The following PCDHGA12 variants were observed in gnomAD, a reference collection of about 807,000 sequenced individuals.
The protein encoded by PCDHGA12 is protocadherin gamma-A12.
Under a neutral mutation model 61.1 loss-of-function variants are expected in PCDHGA12, and 43 were observed. The observed-to-expected ratio is 0.70, with a 90% CI of 0.55 to 0.91. PCDHGA12 has a LOEUF of 0.91. Among genes scored for constraint, PCDHGA12 ranks in the 40% least tolerant of loss-of-function variants. The pLI is 0.00. For synonymous variants in PCDHGA12, 520 were observed against 542.9 expected, an observed-to-expected ratio of 0.96 and a Z score of 0.59; for missense variants, 1,236 against 1,227.7, an observed-to-expected ratio of 1.01 and a Z score of -0.10.
intron 1 of PCDHGA12, among the ~76,000 whole-genome samples, chr5:141,473,329 G>A (rs2099319416): frequency 6.6e-6 from 1 of 152,212 alleles, no homozygotes; most frequent in Non-Finnish European, 1.5e-5. Context: ...TTAAGTGCCT[G>A]CTGTGCTAGA....
chr5:141,451,976 A>T (rs2098729884), intron 1 of PCDHGA12, among the ~76,000 whole-genome samples: 1 of 152,164 alleles, frequency 6.6e-6, no homozygotes, highest in Non-Finnish European at 1.5e-5. Flanking sequence ...TTTTTGCTGT[A>T]GTTTGTTCAT....
chr5:141,435,686 T>C (rs2097774326), intron 1 of PCDHGA12, among the ~76,000 whole-genome samples: 1 of 152,340 alleles, frequency 6.6e-6, no homozygotes, highest in Non-Finnish European at 1.5e-5. Flanking sequence ...GAGAACTTTA[T>C]GCTTATTGTA....
chr5:141,497,804 T>G (rs1196976996), intron 2 of PCDHGA12, among the ~76,000 whole-genome samples: 1 of 152,186 alleles, frequency 6.6e-6, no homozygotes, highest in Non-Finnish European at 1.5e-5. Context: ...CTTCCCAAAG[T>G]GCTAGAATTA....
Position 141,505,556 on chromosome 5 carries a change from C to T in PCDHGA12, c.2572+75C>T, listed in dbSNP as rs2233611. ...GGGTGCATCTCACAGCCACCATGCC[C>T]ACGGACTGGATGTCAAACCTGTGTA... On this transcript the variant is annotated intron_variant, in intron 3 of 3. Transcript: ENST00000252085. 1,282 of 1,606,040 alleles carry T rather than the reference C, an allele frequency of 8.0e-4. 6 individuals are homozygous for T. In the African/African-American group the frequency reaches 0.013, roughly 16 times the overall value.
rs188874944 is a variant in PCDHGA12, at chr5:141,446,708, C to T, written c.2424+13525C>T. Among the ~76,000 whole-genome samples, 183 of 152,314 alleles carry T rather than the reference C, an allele frequency of 1.2e-3. 1 individual carries two copies. The highest frequency in any genetic ancestry group is 2.1e-3 in the Admixed American group (32 of 15,302). On this transcript the variant is annotated intron_variant, in intron 1 of 3. Coordinates refer to ENST00000252085, the MANE Select transcript of PCDHGA12 (RefSeq NM_003735.3). ...GGCCAGGCTGGTCTCGAACTCTGAT[C>T]TGCCCGCCTCGGCCTCCCAAAGTGT...
rs1329649336 is a variant in PCDHGA12, at chr5:141,477,589, GCTTT to G, written c.2425-17207_2425-17204del. 2 of 1,614,130 alleles carry G rather than the reference GCTTT, an allele frequency of 1.2e-6. No homozygotes were observed. Among genetic ancestry groups the G allele is most frequent in the South Asian group, 1.1e-5 (1 of 91,086 alleles). ...ACCCCGACGCCCCGCAGAATGCTCGGCTTTCTTTCTTTCTCTTGGAGCAAGGAGC... is the reference window on the plus strand; with the variant it reads ...ACCCCGACGCCCCGCAGAATGCTCGGCTTTCTTTCTCTTGGAGCAAGGAGC... On this transcript the variant is annotated intron_variant, in intron 1 of 3. Coordinates refer to ENST00000252085, the MANE Select transcript of PCDHGA12 (RefSeq NM_003735.3). The surrounding 1 kb of genome is among the most constrained non-coding windows in gnomAD (Gnocchi z 4.9).
intron 1 of PCDHGA12, among the ~76,000 whole-genome samples, chr5:141,457,687 G>A (rs2098927754): frequency 6.6e-6 from 1 of 152,198 alleles, no homozygotes; most frequent in Admixed American, 6.5e-5. Context: ...TAGGACTTTT[G>A]GATTGGCTTT....
Position 141,476,085 on chromosome 5 carries a change from G to C in PCDHGA12, c.2425-18722G>C, listed in dbSNP as rs1163057402. On this transcript the variant is annotated intron_variant, in intron 1 of 3. Coordinates refer to ENST00000252085, the MANE Select transcript of PCDHGA12 (RefSeq NM_003735.3). This position sits in a 1 kb window ranked among gnomAD's most constrained non-coding sequence, Gnocchi z 7.6. ...TCAGCGAAATCTCAGGGACGATCTG[G>C]ACCCCGCTGAGAGGAACTGCTTTTG... 1.3e-6 allele frequency: 2 copies of C among 1,551,682 alleles called. No individual in the cohort carries two copies. Among genetic ancestry groups the C allele is most frequent in the East Asian group, 2.3e-5 (1 of 44,392 alleles).
At chr5:141,449,280 C>G (rs934214922) in intron 1 of PCDHGA12, among the ~76,000 whole-genome samples, 1 of 151,944 alleles carries the variant, frequency 6.6e-6, no homozygotes, top group East Asian at 1.9e-4. Context: ...CTCCTTCACC[C>G]GGATGCACCG....
chr5:141,432,964 G>A lies in PCDHGA12; in HGVS notation c.2205G>A (p.Ala735=), dbSNP rs2097554835. Residue 735 remains alanine, a synonymous_variant, in exon 1 of 4, where the codon GCG becomes GCA. Transcript: ENST00000252085. This position sits in a 1 kb window ranked among gnomAD's most constrained non-coding sequence, Gnocchi z 6.0. ...LQASGGGLTG[A]PASHFVGVDG... Reference sequence around the variant, plus strand: ...CTTCAGGAGGCGGCTTGACAGGAGCGCCGGCGTCGCACTTTGTGGGCGTGG... The same window carrying A: ...CTTCAGGAGGCGGCTTGACAGGAGCACCGGCGTCGCACTTTGTGGGCGTGG... The A allele has an allele frequency of 6.2e-7, 1 of 1,614,044 alleles. No homozygotes were observed. Among genetic ancestry groups the A allele is most frequent in the African/African-American group, 1.3e-5 (1 of 74,934 alleles).
intron 1 of PCDHGA12, among the ~76,000 whole-genome samples, chr5:141,437,990 C>G (rs1298325497): frequency 1.3e-5 from 2 of 152,148 alleles, no homozygotes; most frequent in Non-Finnish European, 2.9e-5. Flanking sequence ...CCCACCCCAC[C>G]TCAGCCTCCC....
At chr5:141,504,980 G>A (rs113323355) in intron 2 of PCDHGA12, among the ~76,000 whole-genome samples, 174 of 152,196 alleles carry the variant, frequency 1.1e-3, no homozygotes, top group African/African-American at 3.9e-3. Context: ...TGGCCAACAT[G>A]GTGAAACCCC....
At chr5:141,454,796 ATTTTTTTTTTTT>A (rs61612330) in intron 1 of PCDHGA12, among the ~76,000 whole-genome samples, 76 of 77,462 alleles carry the variant, frequency 9.8e-4, no homozygotes, top group African/African-American at 3.9e-3. Flanking sequence ...CATGGTTCTA[ATTTTTTTTTTTT>A]TTTTTTTTTT....
Position 141,490,122 on chromosome 5 carries a change from C to T in PCDHGA12, c.2425-4685C>T. 3 of 1,614,260 alleles carry T rather than the reference C, an allele frequency of 1.9e-6. No homozygotes were observed. The highest frequency in any genetic ancestry group is 2.5e-6 in the Non-Finnish European group (3 of 1,180,046). On this transcript the variant is annotated intron_variant, in intron 1 of 3. Coordinates refer to ENST00000252085, the MANE Select transcript of PCDHGA12 (RefSeq NM_003735.3). The surrounding 1 kb of genome is among the most constrained non-coding windows in gnomAD (Gnocchi z 5.4). ...CTGAGGCAGTGCGGAACCTCTTTGG[C>T]CTAGACCCTAGCAGTGGGGCAATCC... is the stretch of plus-strand genomic sequence containing the variant.
intron 1 of PCDHGA12, chr5:141,439,900 A>G (rs562278732): frequency 6.6e-5 from 10 of 152,362 alleles, no homozygotes; most frequent in African/African-American, 2.2e-4. Flanking sequence ...CAAGGCGACT[A>G]CTGCCTCCTT....
intron 1 of PCDHGA12, among the ~76,000 whole-genome samples, chr5:141,481,647 A>G (rs749515062): frequency 1.6e-4 from 25 of 151,712 alleles, no homozygotes; most frequent in Non-Finnish European, 2.8e-4. Flanking sequence ...GTGAAACTTC[A>G]TCTCTACTAA....
chr5:141,449,854 T>C (rs769118919), intron 1 of PCDHGA12, among the ~76,000 whole-genome samples: 7 of 151,974 alleles, frequency 4.6e-5, no homozygotes, highest in South Asian at 4.1e-4. Context: ...ATTTTAATAA[T>C]AAAAATCAGA....
intron 1 of PCDHGA12, among the ~76,000 whole-genome samples, chr5:141,483,207 A>C (rs1225621725): frequency 6.6e-6 from 1 of 152,224 alleles, no homozygotes; most frequent in African/African-American, 2.4e-5. Flanking sequence ...TATTCCATAT[A>C]GATGACAGTC....
chr5:141,477,867 C>CGGT lies in PCDHGA12; in HGVS notation c.2425-16940_2425-16939insGGT. On this transcript the variant is annotated intron_variant, in intron 1 of 3. Transcript: ENST00000252085. This position sits in a 1 kb window ranked among gnomAD's most constrained non-coding sequence, Gnocchi z 4.9. ...TCGGTGGAGATGCTGCCTCGAGGTA[C>CGGT]CTCAGCTGGCCACCTAGTGTCACGG... 6.2e-7 allele frequency: 1 copy of CGGT among 1,613,614 alleles called. No homozygotes were observed. Among genetic ancestry groups the CGGT allele is most frequent in the Non-Finnish European group, 8.5e-7 (1 of 1,179,854 alleles).
Sources: allele counts gnomAD v4.1 joint callset (sites outside exome capture counted in the v4.1 genomes callset), GRCh38; gene constraint gnomAD v4.1.1; non-coding constraint Gnocchi (gnomAD v3.1); transcripts MANE v1.5; gene names NCBI Gene and HGNC (gene_info 2026-07-23, HGNC 2026-07-21).